Variants in TAS2R4 observed in about 807,000 individuals in gnomAD.
TAS2R4 encodes the protein taste 2 receptor member 4.
A neutral mutation model predicts 14.3 loss-of-function variants in TAS2R4; 18 were observed. The observed-to-expected ratio is 1.26, with a 90% CI of 0.87 to 1.86. TAS2R4 has a LOEUF of 1.86. Among genes scored for constraint, TAS2R4 ranks in the 40% most tolerant of loss-of-function variants. TAS2R4 has a pLI of 0.00. For synonymous variants in TAS2R4, 130 were observed against 138.5 expected (o/e 0.94, Z 0.43); for missense variants, 306 against 342.7 (o/e 0.89, Z 0.85).
rs1302929074 is a variant in TAS2R4, at chr7:141,778,548, A to G, written c.60A>G (p.Gly20=). ...CCTCAGTTATTTTAAATTTTGTAGG[A>G]ATCATTATGAATCTGTTTATTACAG... ...IIASVILNFV[G]IIMNLFITVV... is the part of the protein sequence containing the mutation. The change falls in exon 1 of 1, where the codon GGA becomes GGG. Residue 20 remains glycine (G), a synonymous_variant. Transcript: ENST00000247881. 6.2e-7 allele frequency: 1 copy of G among 1,613,878 alleles called. No homozygotes were observed. The highest frequency in any genetic ancestry group is 1.7e-5 in the Admixed American group (1 of 59,938).
At position 141,779,000 on chromosome 7, in the gene TAS2R4, G is replaced by T. The variant is rs2234002; in HGVS notation, c.512G>T (p.Ser171Ile). ...TTRNNTSFNI[S>I]EGILSLVVSL... ...AGAAATAACACATCATTTAATATCA[G>T]TGAGGGCATCTTGTCTTTAGTGGTT... The change falls in exon 1 of 1, where the codon AGT becomes ATT. Residue 171 changes from serine (S) to isoleucine (I), a missense_variant. Coordinates refer to ENST00000247881, the MANE Select transcript of TAS2R4 (RefSeq NM_016944.2). 1 of 1,613,938 alleles carries T rather than the reference G, an allele frequency of 6.2e-7. No homozygotes were observed. Among genetic ancestry groups the T allele is most frequent in the Non-Finnish European group, 8.5e-7 (1 of 1,180,004 alleles).
Position 141,778,857 on chromosome 7 carries a change from G to C in TAS2R4, c.369G>C (p.Arg123=). 1 of 1,614,068 alleles carries C rather than the reference G, an allele frequency of 6.2e-7. No homozygotes were observed. Reference sequence around the variant, plus strand: ...ACTCAGTGTTTCTCCTGCTGAAGCGGAATATCTCCCCAAAGATCCCCAGGC... The same window carrying C: ...ACTCAGTGTTTCTCCTGCTGAAGCGCAATATCTCCCCAAAGATCCCCAGGC... ...FQHSVFLLLK[R]NISPKIPRLL... The change falls in exon 1 of 1, where the codon CGG becomes CGC. Residue 123 remains arginine, a synonymous_variant. Coordinates refer to ENST00000247881, the MANE Select transcript of TAS2R4 (RefSeq NM_016944.2).
rs1222060841 is a variant in TAS2R4 at position 141,778,641 on chromosome 7, G to C, written c.153G>C (p.Leu51=). The change falls in exon 1 of 1, where the codon CTG becomes CTC. Residue 51 remains leucine, a synonymous_variant. Coordinates refer to ENST00000247881, the MANE Select transcript of TAS2R4 (RefSeq NM_016944.2). ...ISSSDRILFS[L]GITRFLMLGL... ...CTTCTGATAGGATTCTGTTCAGCCT[G>C]GGCATCACCAGGTTTCTTATGCTGG... 1.2e-6 allele frequency: 2 copies of C among 1,614,172 alleles called. No individual in the cohort carries two copies. The highest frequency in any genetic ancestry group is 3.3e-5 in the Admixed American group (2 of 60,026).
rs879352189 is a variant in TAS2R4, at chr7:141,780,594, A to G, written c.*1206A>G. On this transcript the variant is annotated 3_prime_UTR_variant, in exon 1 of 1. Transcript: ENST00000247881. Reference sequence around the variant, plus strand: ...TGTGGTGAATTTATTTCATCTGCTTATACATTTGTACACAGCACAGTTCTT... The same window carrying G: ...TGTGGTGAATTTATTTCATCTGCTTGTACATTTGTACACAGCACAGTTCTT... 2 of 152,186 alleles carry G rather than the reference A, an allele frequency of 1.3e-5. No individual in the cohort carries two copies. Among genetic ancestry groups the G allele is most frequent in the Admixed American group, 6.5e-5 (1 of 15,276 alleles). The allele number at this position is 152,186 out of a possible 1,614,324, so 9.4% of individuals were successfully genotyped here. A position where few individuals can be genotyped will look rare whatever the true frequency, so the allele number is the denominator to read the frequency against.
Position 141,778,372 on chromosome 7 carries a change from GAAAAATT to G in TAS2R4, c.-111_-105del, listed in dbSNP as rs1800269905. 5 of 986,656 alleles carry G rather than the reference GAAAAATT, an allele frequency of 5.1e-6. No homozygotes were observed. Among genetic ancestry groups the G allele is most frequent in the Non-Finnish European group, 7.3e-6 (5 of 681,950 alleles). The allele number at this position is 986,656 out of a possible 1,614,324, so 61.1% of individuals were successfully genotyped here. ...ATGAATGGCTCATTTGCCATGCTGGGAAAAATTAAAAAGGAGATGTCCTTCCTGGCTG... is the reference window on the plus strand; with the variant it reads ...ATGAATGGCTCATTTGCCATGCTGGGAAAAAGGAGATGTCCTTCCTGGCTG... On this transcript the variant is annotated 5_prime_UTR_variant, in exon 1 of 1. It introduces an in-frame stop codon into an upstream open reading frame of the 5' UTR. Coordinates refer to ENST00000247881, the MANE Select transcript of TAS2R4 (RefSeq NM_016944.2).
In TAS2R4 at chr7:141,781,448, A is replaced by C. The variant is rs1044239625; in HGVS notation, c.*2060A>C. On this transcript the variant is annotated 3_prime_UTR_variant, in exon 1 of 1. Coordinates refer to ENST00000247881, the MANE Select transcript of TAS2R4 (RefSeq NM_016944.2). The stretch of plus-strand genomic sequence containing the variant: ...AGTCAAATAACCTATGCTATACCTT[A>C]AATATACACAATAATATATATCTTT... Among the ~76,000 whole-genome samples, 4 of 152,168 alleles carry C rather than the reference A, an allele frequency of 2.6e-5. No homozygotes were observed. Among genetic ancestry groups the C allele is most frequent in the African/African-American group, 9.7e-5 (4 of 41,426 alleles).
rs931717103 is a variant in TAS2R4 at position 141,779,592 on chromosome 7, G to A, written c.*204G>A. 3.9e-6 allele frequency: 2 copies of A among 511,042 alleles called. No homozygotes were observed. The highest frequency in any genetic ancestry group is 6.6e-6 in the Non-Finnish European group (2 of 300,922). 31.7% of individuals were successfully genotyped at this position (511,042 alleles called of 1,614,324 possible). On this transcript the variant is annotated 3_prime_UTR_variant, in exon 1 of 1. Coordinates refer to ENST00000247881, the MANE Select transcript of TAS2R4 (RefSeq NM_016944.2). ...TTTTAAAATAAGGCACATTCTGTAA[G>A]AAACTTTTTTGAGGCATTATTTGTC... is the stretch of plus-strand genomic sequence containing the variant.
rs2233998 is a variant in TAS2R4, at chr7:141,778,508, T to C, written c.20T>C (p.Phe7Ser). ...GTAAAGATGCTTCGGTTATTCTATT[T>C]CTCTGCTATTATTGCCTCAGTTATT... is the stretch of plus-strand genomic sequence containing the variant. The part of the protein sequence containing the change: MLRLFY[F>S]SAIIASVILN... The change falls in exon 1 of 1, where the codon TTC becomes TCC. Residue 7 changes from phenylalanine (F) to serine (S), a missense_variant. Phe to Ser is a radical substitution (Grantham distance 155, BLOSUM62 -2). Transcript: ENST00000247881. 0.48 allele frequency: 769,728 copies of C among 1,611,660 alleles called. 187,191 individuals are homozygous for C. The highest frequency in any genetic ancestry group is 0.68 in the East Asian group (30,325 of 44,868).
rs1459140727 is a variant in TAS2R4, at chr7:141,778,187, C to T, written c.-302C>T. On this transcript the variant is annotated 5_prime_UTR_variant, in exon 1 of 1. Transcript: ENST00000247881. The stretch of plus-strand genomic sequence containing the variant: ...TCTAAGTTTTTGGAGCCTGCTGTGA[C>T]TCTTCCCTCTCGCCCTCCTGCTCTT... 6.6e-6 allele frequency among the ~76,000 whole-genome samples: 1 copy of T among 152,202 alleles called. No individual in the cohort carries two copies. The highest frequency in any genetic ancestry group is 1.5e-5 in the Non-Finnish European group (1 of 68,036).
At position 141,778,391 on chromosome 7, in the gene TAS2R4, G is replaced by A. The variant is rs1412506142; in HGVS notation, c.-98G>A. 3.4e-6 allele frequency: 4 copies of A among 1,164,808 alleles called. No homozygotes were observed. The highest frequency in any genetic ancestry group is 4.8e-6 in the Non-Finnish European group (4 of 834,378). 72.2% of individuals were successfully genotyped at this position (1,164,808 alleles called of 1,614,324 possible). A position where few individuals can be genotyped will look rare whatever the true frequency, so the allele number is the denominator to read the frequency against. ...TGCTGGGAAAAATTAAAAAGGAGATGTCCTTCCTGGCTGGATACTGGTGTC... is the reference window on the plus strand; with the variant it reads ...TGCTGGGAAAAATTAAAAAGGAGATATCCTTCCTGGCTGGATACTGGTGTC... On this transcript the variant is annotated 5_prime_UTR_variant, in exon 1 of 1. It removes an upstream start codon present in the reference 5' UTR. Transcript: ENST00000247881.
At position 141,777,071 on chromosome 7, in the gene TAS2R4, A is replaced by G. The variant is rs147037181; in HGVS notation, c.-1418A>G. On this transcript the variant is annotated 5_prime_UTR_variant, in exon 1 of 1. Coordinates refer to ENST00000247881, the MANE Select transcript of TAS2R4 (RefSeq NM_016944.2). ...TAAATGTGATGTTAGTAATATTTCAACTTCACCACTTTAATGCAGCCATCT... is the reference window on the plus strand; with the variant it reads ...TAAATGTGATGTTAGTAATATTTCAGCTTCACCACTTTAATGCAGCCATCT... Among the ~76,000 whole-genome samples the G allele has an allele frequency of 4.1e-3, 620 of 152,290 alleles. 3 individuals are homozygous for G. The highest frequency in any genetic ancestry group is 5.8e-3 in the Non-Finnish European group (395 of 68,022).
Position 141,779,218 on chromosome 7 carries a change from G to T in TAS2R4, c.730G>T (p.Val244Phe), listed in dbSNP as rs1800290303. The part of the protein sequence containing the change: ...YFLILYIPYS[V>F]ATLVQYLPFY... ...CCTCATCCTCTACATTCCATATTCAGTTGCTACCCTGGTCCAGTATCTCCC... is the reference window on the plus strand; with the variant it reads ...CCTCATCCTCTACATTCCATATTCATTTGCTACCCTGGTCCAGTATCTCCC... The change falls in exon 1 of 1, where the codon GTT (valine) becomes TTT (phenylalanine). Residue 244 changes from valine to phenylalanine, a missense_variant. Physicochemically the swap from Val to Phe is conservative, Grantham distance 50. Coordinates refer to ENST00000247881, the MANE Select transcript of TAS2R4 (RefSeq NM_016944.2). 3 of 1,614,038 alleles carry T rather than the reference G, an allele frequency of 1.9e-6. No homozygotes were observed. In the African/African-American group the frequency reaches 4.0e-5, roughly 22 times the overall value.
Position 141,779,188 on chromosome 7 carries a change from T to C in TAS2R4, c.700T>C (p.Tyr234His), listed in dbSNP as rs1242834678. 4 of 1,614,214 alleles carry C rather than the reference T, an allele frequency of 2.5e-6. No individual in the cohort carries two copies. In the South Asian group the frequency reaches 4.4e-5, roughly 18 times the overall value. The change falls in exon 1 of 1, where the codon TAT becomes CAT. Residue 234 changes from tyrosine (Y) to histidine (H), a missense_variant. Tyr to His is a moderately conservative substitution (Grantham distance 83, BLOSUM62 2). Coordinates refer to ENST00000247881, the MANE Select transcript of TAS2R4 (RefSeq NM_016944.2). ...AHVGAMKLMV[Y>H]FLILYIPYSV... ...TGTAGGTGCTATGAAGCTGATGGTC[T>C]ATTTCCTCATCCTCTACATTCCATA...
At position 141,778,433 on chromosome 7, in the gene TAS2R4, T is replaced by C; in HGVS notation, c.-56T>C. 1 of 1,493,830 alleles carries C rather than the reference T, an allele frequency of 6.7e-7. No homozygotes were observed. The allele number at this position is 1,493,830 out of a possible 1,614,324, so 92.5% of individuals were successfully genotyped here. ...ACTGGTGTCTGCTTATACATTTTGG[T>C]ATTTCTTCTGCCTCCACTATCAGCA... On this transcript the variant is annotated 5_prime_UTR_variant, in exon 1 of 1. Coordinates refer to ENST00000247881, the MANE Select transcript of TAS2R4 (RefSeq NM_016944.2).
Position 141,779,450 on chromosome 7 carries a change from G to T in TAS2R4, c.*62G>T. On this transcript the variant is annotated 3_prime_UTR_variant, in exon 1 of 1. Transcript: ENST00000247881. ...GGTTTGGGGGCAAGATTTTCTGTTT[G>T]CAGTTTTCCCAGTGATCTGGGGAAT... 4 of 1,478,548 alleles carry T rather than the reference G, an allele frequency of 2.7e-6. No individual in the cohort carries two copies. Among genetic ancestry groups the T allele is most frequent in the Non-Finnish European group, 3.6e-6 (4 of 1,104,470 alleles). The allele number at this position is 1,478,548 out of a possible 1,614,324, so 91.6% of individuals were successfully genotyped here. A position where few individuals can be genotyped will look rare whatever the true frequency, so the allele number is the denominator to read the frequency against.
rs1307621015 is a variant in TAS2R4, at chr7:141,778,348, T to C, written c.-141T>C. The C allele has an allele frequency of 2.1e-5, 15 of 730,936 alleles. No homozygotes were observed. Among genetic ancestry groups the C allele is most frequent in the Non-Finnish European group, 3.3e-5 (15 of 454,780 alleles). The allele number at this position is 730,936 out of a possible 1,614,324, so 45.3% of individuals were successfully genotyped here. ...AGTAAAATCAGGTGGCCCTTGATCA[T>C]GAATGGCTCATTTGCCATGCTGGGA... On this transcript the variant is annotated 5_prime_UTR_variant, in exon 1 of 1. It removes an upstream start codon present in the reference 5' UTR. Coordinates refer to ENST00000247881, the MANE Select transcript of TAS2R4 (RefSeq NM_016944.2).
rs1345318007 is a variant in TAS2R4, at chr7:141,779,226, C to T, written c.738C>T (p.Thr246=). 2.5e-6 allele frequency: 4 copies of T among 1,614,136 alleles called. No homozygotes were observed. The highest frequency in any genetic ancestry group is 2.2e-5 in the East Asian group (1 of 44,890). Residue 246 remains threonine, a synonymous_variant, in exon 1 of 1, where the codon ACC becomes ACT. Transcript: ENST00000247881. Reference sequence around the variant, plus strand: ...TCTACATTCCATATTCAGTTGCTACCCTGGTCCAGTATCTCCCCTTTTATG... The same window carrying T: ...TCTACATTCCATATTCAGTTGCTACTCTGGTCCAGTATCTCCCCTTTTATG... ...LILYIPYSVA[T]LVQYLPFYAG... is the part of the protein sequence containing the mutation.
Position 141,778,791 on chromosome 7 carries a change from G to C in TAS2R4, c.303G>C (p.Leu101Phe). 1 of 1,614,134 alleles carries C rather than the reference G, an allele frequency of 6.2e-7. No individual in the cohort carries two copies. Among genetic ancestry groups the C allele is most frequent in the Non-Finnish European group, 8.5e-7 (1 of 1,180,036 alleles). ...LDSSSVWFVT[L>F]LNILYCVKIT... ...CGAGCAGTGTCTGGTTTGTGACCTTGCTCAATATCTTGTACTGTGTGAAGA... is the reference window on the plus strand; with the variant it reads ...CGAGCAGTGTCTGGTTTGTGACCTTCCTCAATATCTTGTACTGTGTGAAGA... The change falls in exon 1 of 1, where the codon TTG becomes TTC. Residue 101 changes from leucine (L) to phenylalanine (F), a missense_variant. Transcript: ENST00000247881.
chr7:141,777,931 G>A lies in TAS2R4; in HGVS notation c.-558G>A, dbSNP rs1342561743. On this transcript the variant is annotated 5_prime_UTR_variant, in exon 1 of 1. Coordinates refer to ENST00000247881, the MANE Select transcript of TAS2R4 (RefSeq NM_016944.2). ...TAAATCGCTATAGGTGAATCACTGA[G>A]GTTGAAAGAGTGGCATTGGCATGGC... Among the ~76,000 whole-genome samples the A allele has an allele frequency of 1.3e-5, 2 of 152,190 alleles. No individual in the cohort carries two copies. Among genetic ancestry groups the A allele is most frequent in the Non-Finnish European group, 2.9e-5 (2 of 68,042 alleles).
Sources: allele counts gnomAD v4.1 joint callset (sites outside exome capture counted in the v4.1 genomes callset), GRCh38; gene constraint gnomAD v4.1.1; transcripts MANE v1.5; gene names NCBI Gene and HGNC (gene_info 2026-07-23, HGNC 2026-07-21).